STRAP: variants seen among roughly 807,000 people sequenced by gnomAD.
STRAP encodes the protein serine/threonine kinase receptor associated protein.
A neutral mutation model predicts 47.0 loss-of-function variants in STRAP; 16 were observed. The ratio of observed to expected loss-of-function variants is 0.34; its 90% confidence interval spans 0.23 to 0.52. The LOEUF is 0.52. Among genes scored for constraint, STRAP ranks in the 20% least tolerant of loss-of-function variants. The pLI, the probability that STRAP is intolerant of heterozygous loss-of-function variation, is 0.96. For missense variants in STRAP, 293 were observed against 420.0 expected, an observed-to-expected ratio of 0.70 and a Z score of 2.64; for synonymous variants, 130 against 142.7, an observed-to-expected ratio of 0.91 and a Z score of 0.63.
Position 15,889,114 on chromosome 12 carries a change from CTT to C in STRAP, c.249-807_249-806del, listed in dbSNP as rs139151761. The stretch of plus-strand genomic sequence containing the variant: ...CTGACCTGTTCTGATCTAAAATCAA[CTT>C]TTTTTTCCCCCTTCCTTAAGCTTTT... On this transcript the variant is annotated intron_variant, in intron 2 of 9. Transcript: ENST00000419869. Among the ~76,000 whole-genome samples the C allele has an allele frequency of 2.0e-5, 3 of 152,046 alleles. No individual in the cohort carries two copies. The East Asian group carries it at 5.8e-4, about 29-fold the overall frequency.
intron 4 of STRAP, among the ~76,000 whole-genome samples, chr12:15,892,983 C>G (rs1279485571): frequency 2.0e-5 from 3 of 152,164 alleles, no homozygotes; most frequent in African/African-American, 7.2e-5. Flanking sequence ...CTGTTAAGCC[C>G]TATTCGCATT....
chr12:15,903,310 G>A lies in STRAP; in HGVS notation c.*332G>A, dbSNP rs150544222. On this transcript the variant is annotated 3_prime_UTR_variant, in exon 10 of 10. Coordinates refer to ENST00000419869, the MANE Select transcript of STRAP (RefSeq NM_007178.4). ...TTAATATGGAGAAGAAAACTATATT[G>A]GCTGATTTTTTCTGATCTTAAAGCA... 5.1e-3 allele frequency: 923 copies of A among 182,510 alleles called. 4 individuals are homozygous for A. Among genetic ancestry groups the A allele is most frequent in the Non-Finnish European group, 6.7e-3 (616 of 91,648 alleles). 11.3% of individuals were successfully genotyped at this position (182,510 alleles called of 1,614,324 possible). A position where few individuals can be genotyped will look rare whatever the true frequency, so the allele number is the denominator to read the frequency against.
chr12:15,897,657 A>G (rs540946306), intron 6 of STRAP, among the ~76,000 whole-genome samples: 14 of 151,854 alleles, frequency 9.2e-5, no homozygotes, highest in African/African-American at 3.1e-4. Flanking sequence ...ATATCCCTCC[A>G]TCAAGATGTC....
At chr12:15,884,751 A>G (rs558334212) in intron 2 of STRAP, among the ~76,000 whole-genome samples, 6 of 151,892 alleles carry the variant, frequency 4.0e-5, no homozygotes, top group Non-Finnish European at 7.4e-5. Context: ...CATACTGATT[A>G]TTGGTGTTTT....
At chr12:15,895,329 A>G (rs919406405) in intron 5 of STRAP, 30 bp from the exon 6 acceptor site, 1 of 1,483,134 alleles carries the variant, frequency 6.7e-7, no homozygotes, top group Non-Finnish European at 9.0e-7. Flanking sequence ...TTACATGAGT[A>G]AACATCATAT....
intron 1 of STRAP, chr12:15,883,084 A>G: frequency 1.3e-6 from 2 of 1,535,668 alleles, no homozygotes; most frequent in East Asian, 2.4e-5. Flanking sequence ...TTTTTGAAGG[A>G]GCTGGTCAGC....
chr12:15,897,791 C>T, intron 6 of STRAP, 91 bp from the exon 7 acceptor site: 1 of 869,122 alleles, frequency 1.2e-6, no homozygotes, highest in Non-Finnish European at 1.6e-6. Flanking sequence ...TTAATTGTTC[C>T]TTGGGTTTCA....
chr12:15,895,011 A>G (rs928439506), intron 5 of STRAP, among the ~76,000 whole-genome samples: 1 of 152,238 alleles, frequency 6.6e-6, no homozygotes, highest in Admixed American at 6.5e-5. Context: ...TTCTTTGGAA[A>G]GATGTGTAGC....
chr12:15,883,819 A>G (rs539456551), intron 2 of STRAP, 143 bp downstream of exon 2: 1 of 1,022,294 alleles, frequency 9.8e-7, no homozygotes, highest in Non-Finnish European at 1.4e-6. Context: ...CCAAAATTCC[A>G]TCGTGGTCCA....
rs1555146490 is a variant in STRAP at position 15,902,908 on chromosome 12, T to TTA, written c.992-9_992-8insTA. ...GACTTTTTTTTTTTTTTTTTTTTTT[T>TTA]ACTTATAGAAGAAATTGCTTCAGAG... On this transcript the variant is annotated splice_polypyrimidine_tract_variant and intron_variant, in intron 9 of 9. Transcript: ENST00000419869. 1.0e-5 allele frequency: 15 copies of TTA among 1,493,822 alleles called. No homozygotes were observed. The African/African-American group carries it at 1.3e-4, about 13-fold the overall frequency. 92.5% of individuals were successfully genotyped at this position (1,493,822 alleles called of 1,614,324 possible).
chr12:15,902,224 G>A (rs1161123718), intron 9 of STRAP, among the ~76,000 whole-genome samples: 8 of 151,972 alleles, frequency 5.3e-5, no homozygotes, highest in African/African-American at 1.7e-4. Context: ...TGCCCACCTC[G>A]GCCTCCCAAA....
chr12:15,892,744 T>C (rs1948027287), intron 4 of STRAP, among the ~76,000 whole-genome samples: 2 of 152,202 alleles, frequency 1.3e-5, no homozygotes, highest in Admixed American at 1.3e-4. Context: ...TCTCCTTTCT[T>C]TTTTGATAAA....
chr12:15,897,751 A>C, intron 6 of STRAP, 131 bp from the exon 7 acceptor site: 1 of 526,690 alleles, frequency 1.9e-6, no homozygotes, highest in South Asian at 6.0e-5. Context: ...CTTTTTTTAC[A>C]TCAGTGTTTA....
chr12:15,897,451 A>G (rs1212701051), intron 6 of STRAP, among the ~76,000 whole-genome samples: 4 of 152,290 alleles, frequency 2.6e-5, no homozygotes, highest in Non-Finnish European at 5.9e-5. Flanking sequence ...GCAATTAATA[A>G]TAATATATAA....
At chr12:15,898,371 C>T (rs1948077299) in intron 7 of STRAP, 1 of 164,258 alleles carries the variant, frequency 6.1e-6, no homozygotes, top group Admixed American at 6.5e-5. Flanking sequence ...GAGATCCGTT[C>T]TTTCTGAACT....
intron 7 of STRAP, 149 bp from the exon 8 acceptor site, chr12:15,899,755 T>C (rs1948088437): frequency 1.4e-6 from 1 of 712,752 alleles, no homozygotes; most frequent in South Asian, 1.8e-5. Flanking sequence ...TATACCACTT[T>C]TGTGATGAGA....
At chr12:15,899,212 G>C (rs1169866053) in intron 7 of STRAP, among the ~76,000 whole-genome samples, 1 of 152,096 alleles carries the variant, frequency 6.6e-6, no homozygotes, top group Non-Finnish European at 1.5e-5. Flanking sequence ...CTATTCTCTG[G>C]TGGGACACAG....
rs1051548604 is a variant in STRAP at position 15,887,282 on chromosome 12, G to C, written c.249-2646G>C. 6.6e-6 allele frequency among the ~76,000 whole-genome samples: 1 copy of C among 152,164 alleles called. No homozygotes were observed. Among genetic ancestry groups the C allele is most frequent in the Admixed American group, 6.5e-5 (1 of 15,286 alleles). On this transcript the variant is annotated intron_variant, in intron 2 of 9. Transcript: ENST00000419869. This position sits in a 1 kb window ranked among gnomAD's most constrained non-coding sequence, Gnocchi z 5.5. ...TAAGTTCATTCTGAGGATATGGAAAGTATCAGGCAGCATTATTATTTGCAA... is the reference window on the plus strand; with the variant it reads ...TAAGTTCATTCTGAGGATATGGAAACTATCAGGCAGCATTATTATTTGCAA...
chr12:15,895,305 T>A, intron 5 of STRAP, 54 bp from the exon 6 acceptor site: 2 of 1,362,704 alleles, frequency 1.5e-6, no homozygotes, highest in South Asian at 3.4e-5. Flanking sequence ...AATTAGAATT[T>A]ATAAACTTTT....
Sources: gnomAD v4.1 joint callset for allele counts (sites outside exome capture counted in the v4.1 genomes callset) on GRCh38, gnomAD v4.1.1 for gene constraint, Gnocchi (gnomAD v3.1) non-coding constraint, MANE v1.5 for transcripts, NCBI Gene and HGNC (gene_info 2026-07-23, HGNC 2026-07-21) for gene names.